Variants in PTN observed in about 807,000 individuals in gnomAD.
PTN encodes pleiotrophin.
In PTN, 18 loss-of-function variants were observed where a neutral mutation model predicts 24.1. The ratio of observed to expected loss-of-function variants is 0.75; its 90% confidence interval spans 0.52 to 1.11. The LOEUF is 1.11. Among genes scored for constraint, PTN ranks in the 50% least tolerant of loss-of-function variants. The pLI, the probability that PTN is intolerant of heterozygous loss-of-function variation, is 0.00. For missense variants in PTN, 163 were observed against 198.8 expected (o/e 0.82, Z 1.08); for synonymous variants, 78 against 68.6 (o/e 1.14, Z -0.67).
At chr7:137,291,266 A>G (rs1809635164) in intron 1 of PTN, among the ~76,000 whole-genome samples, 1 of 152,204 alleles carries the variant, frequency 6.6e-6, no homozygotes, top group African/African-American at 2.4e-5. Flanking sequence ...GCATTTAAAA[A>G]TTACTTTTCA....
At chr7:137,273,166 G>A (rs1809304419) in intron 1 of PTN, among the ~76,000 whole-genome samples, 1 of 152,164 alleles carries the variant, frequency 6.6e-6, no homozygotes, top group Admixed American at 6.5e-5. Context: ...TTAGAACAGT[G>A]TTGACCCACA....
chr7:137,341,511 AG>A, intron 1 of PTN, among the ~76,000 whole-genome samples: 1 of 149,456 alleles, frequency 6.7e-6, no homozygotes, highest in South Asian at 2.1e-4. Context: ...AAATATAGTT[AG>A]GTATACCTTA....
At chr7:137,315,073 C>A (rs933794078) in intron 1 of PTN, among the ~76,000 whole-genome samples, 1 of 152,110 alleles carries the variant, frequency 6.6e-6, no homozygotes, top group Non-Finnish European at 1.5e-5. Context: ...AGGAGTCAGA[C>A]GCTCATAGAT....
At chr7:137,261,111 C>T (rs1809030573) in intron 1 of PTN, among the ~76,000 whole-genome samples, 1 of 151,770 alleles carries the variant, frequency 6.6e-6, no homozygotes, top group Non-Finnish European at 1.5e-5. Context: ...TAAATTCATG[C>T]ATTTATTCAT....
At chr7:137,278,830 A>T (rs1431044421) in intron 1 of PTN, among the ~76,000 whole-genome samples, 1 of 151,644 alleles carries the variant, frequency 6.6e-6, no homozygotes, top group Non-Finnish European at 1.5e-5. Flanking sequence ...AATCCCAGCT[A>T]CTCAGGAGGC....
chr7:137,253,702 G>T (rs1808869315), intron 2 of PTN, 65 bp from the exon 3 acceptor site: 3 of 1,312,144 alleles, frequency 2.3e-6, no homozygotes, highest in African/African-American at 3.0e-5. Flanking sequence ...ATATAACCAA[G>T]TTCATTCCTG....
chr7:137,231,075 T>C (rs1808419097), intron 4 of PTN, among the ~76,000 whole-genome samples: 1 of 151,862 alleles, frequency 6.6e-6, no homozygotes, highest in Non-Finnish European at 1.5e-5. Context: ...TTCTCTTTCC[T>C]GCTCTTGTTA....
At chr7:137,230,788 C>A (rs548214554) in intron 4 of PTN, among the ~76,000 whole-genome samples, 1 of 151,798 alleles carries the variant, frequency 6.6e-6, no homozygotes, top group Non-Finnish European at 1.5e-5. Context: ...CTAGAAAGAA[C>A]GTGGTCCAAC....
chr7:137,236,976 GT>G (rs765815832), intron 4 of PTN, among the ~76,000 whole-genome samples: 8 of 152,012 alleles, frequency 5.3e-5, no homozygotes, highest in Non-Finnish European at 1.0e-4. Flanking sequence ...TCCCATAAAT[GT>G]TTTTCCTATT....
chr7:137,321,707 C>T (rs1329668159), intron 1 of PTN, among the ~76,000 whole-genome samples: 1 of 152,110 alleles, frequency 6.6e-6, no homozygotes, highest in African/African-American at 2.4e-5. Flanking sequence ...GCGCTATGGC[C>T]ACAGCCTTTG....
At chr7:137,310,697 G>T (rs950676011) in intron 1 of PTN, among the ~76,000 whole-genome samples, 1 of 152,122 alleles carries the variant, frequency 6.6e-6, no homozygotes, top group East Asian at 1.9e-4. Flanking sequence ...AGCCACCACC[G>T]CAGGCCATCT....
At chr7:137,292,216 A>C (rs1809648725) in intron 1 of PTN, among the ~76,000 whole-genome samples, 1 of 152,074 alleles carries the variant, frequency 6.6e-6, no homozygotes, top group African/African-American at 2.4e-5. Flanking sequence ...CCTGATATAA[A>C]CCAGTGTAGT....
chr7:137,324,044 T>C (rs948104090), intron 1 of PTN, among the ~76,000 whole-genome samples: 2 of 152,084 alleles, frequency 1.3e-5, no homozygotes, highest in African/African-American at 2.4e-5. Flanking sequence ...TCAGGTGATT[T>C]AATACAAAAT....
intron 4 of PTN, among the ~76,000 whole-genome samples, chr7:137,235,221 C>T (rs1178584905): frequency 6.6e-6 from 1 of 152,056 alleles, no homozygotes; most frequent in Non-Finnish European, 1.5e-5. Flanking sequence ...CCTTTTAATG[C>T]TTTGTGAACC....
At chr7:137,303,340 T>C (rs936494460) in intron 1 of PTN, among the ~76,000 whole-genome samples, 10 of 151,956 alleles carry the variant, frequency 6.6e-5, no homozygotes, top group African/African-American at 2.2e-4. Flanking sequence ...GGTTGAACCA[T>C]TGTATTTTGG....
intron 1 of PTN, among the ~76,000 whole-genome samples, chr7:137,309,412 G>T (rs2128879617): frequency 6.6e-6 from 1 of 152,252 alleles, no homozygotes; most frequent in Non-Finnish European, 1.5e-5. Context: ...GGTTGCTGAA[G>T]TCTGGGGTGG....
rs1045851563 is a variant in PTN, at chr7:137,335,730, G to A, written c.-2+7709C>T. On this transcript the variant is annotated intron_variant, in intron 1 of 4. Transcript: ENST00000348225. ...CTGGGTGACTGGTATGAACATGAAA[G>A]TTTGAGAAGCACAGTTATCCAGCTA... Among the ~76,000 whole-genome samples the A allele has an allele frequency of 3.3e-5, 5 of 152,162 alleles. No individual in the cohort carries two copies. The East Asian group carries it at 9.6e-4, about 29-fold the overall frequency.
chr7:137,246,470 T>C (rs969585638), intron 4 of PTN, among the ~76,000 whole-genome samples: 1 of 152,214 alleles, frequency 6.6e-6, no homozygotes, highest in Non-Finnish European at 1.5e-5. Context: ...TGACTGTAAT[T>C]AAACTCATAT....
intron 1 of PTN, among the ~76,000 whole-genome samples, chr7:137,307,089 G>A (rs541960132): frequency 4.6e-4 from 70 of 152,142 alleles, no homozygotes; most frequent in African/African-American, 1.5e-3. Flanking sequence ...ATTAGGTATC[G>A]GTGGCATATG....
Sources: gnomAD v4.1 joint callset for allele counts (sites outside exome capture counted in the v4.1 genomes callset) on GRCh38, gnomAD v4.1.1 for gene constraint, MANE v1.5 for transcripts, NCBI Gene and HGNC (gene_info 2026-07-23, HGNC 2026-07-21) for gene names.